APBA2: variants seen among roughly 807,000 people sequenced by gnomAD.
APBA2 encodes the protein amyloid beta precursor protein binding family A member 2.
In APBA2, 30 loss-of-function variants were observed where a neutral mutation model predicts 75.0. That is an observed-to-expected ratio of 0.40 (90% CI 0.30 to 0.54). The LOEUF (loss-of-function observed/expected upper bound fraction) is 0.54, where lower values mean the gene tolerates loss of function less well. Among genes scored for constraint, APBA2 ranks in the 20% least tolerant of loss-of-function variants. The pLI is 0.49. For synonymous variants in APBA2, 444 were observed against 409.6 expected, an observed-to-expected ratio of 1.08 and a Z score of -1.01; for missense variants, 801 against 1,016.1, an observed-to-expected ratio of 0.79 and a Z score of 2.88.
chr15:29,111,839 G>T (rs748366), intron 13 of APBA2, among the ~76,000 whole-genome samples: 10,601 of 152,216 alleles, frequency 0.07, 557 homozygotes, highest in Non-Finnish European at 0.11. Flanking sequence ...GCCCAGCCGG[G>T]ACCTCCAGGG....
At chr15:29,083,553 C>G (rs2043168153) in intron 6 of APBA2, among the ~76,000 whole-genome samples, 1 of 152,040 alleles carries the variant, frequency 6.6e-6, no homozygotes, top group Non-Finnish European at 1.5e-5. Context: ...TGTTTTGAGA[C>G]AGAGTCTCAC....
At chr15:29,111,287 G>A (rs2044716146) in intron 13 of APBA2, among the ~76,000 whole-genome samples, 1 of 152,046 alleles carries the variant, frequency 6.6e-6, no homozygotes, top group Admixed American at 6.6e-5. Context: ...CCCTGCTTGT[G>A]GATGCGCTGT....
At chr15:29,101,134 C>T (rs1380885997) in intron 9 of APBA2, among the ~76,000 whole-genome samples, 1 of 151,918 alleles carries the variant, frequency 6.6e-6, no homozygotes. Flanking sequence ...TTGCAGTGCA[C>T]ATGACAGCCC....
At chr15:28,931,208 G>T (rs1321916614) in intron 2 of APBA2, among the ~76,000 whole-genome samples, 2 of 152,210 alleles carry the variant, frequency 1.3e-5, no homozygotes, top group African/African-American at 2.4e-5. Context: ...GTTGATGTGG[G>T]ATGCAGGCGT....
At chr15:29,022,736 A>G (rs992572079) in intron 3 of APBA2, among the ~76,000 whole-genome samples, 1 of 152,192 alleles carries the variant, frequency 6.6e-6, no homozygotes, top group Non-Finnish European at 1.5e-5. Flanking sequence ...TTCCTCTGCC[A>G]TCTGAATTTT....
chr15:29,020,169 G>A (rs114272231), intron 3 of APBA2, among the ~76,000 whole-genome samples: 314 of 152,186 alleles, frequency 2.1e-3, no homozygotes, highest in African/African-American at 7.2e-3. Flanking sequence ...TCATGTGAGT[G>A]TTTGGGTGTG....
chr15:28,951,725 C>T (rs1007944144), intron 2 of APBA2, among the ~76,000 whole-genome samples: 2 of 151,888 alleles, frequency 1.3e-5, no homozygotes, highest in African/African-American at 2.4e-5. Flanking sequence ...GCTGGGACTA[C>T]AGGCGTGTGC....
intron 10 of APBA2, 144 bp from the exon 11 acceptor site, chr15:29,105,235 T>C: frequency 1.3e-6 from 1 of 782,530 alleles, no homozygotes. Flanking sequence ...CCAGTTTCTT[T>C]CTTGTTCTTC....
intron 12 of APBA2, among the ~76,000 whole-genome samples, chr15:29,107,675 C>A (rs1029027430): frequency 6.6e-6 from 1 of 152,018 alleles, no homozygotes; most frequent in East Asian, 1.9e-4. Context: ...GCAGTTGAGG[C>A]CCCCCCTCCC....
At chr15:28,970,188 C>T (rs1473960124) in intron 2 of APBA2, 2 of 152,062 alleles carry the variant, frequency 1.3e-5, no homozygotes. Flanking sequence ...AATACAGAGA[C>T]GTGTGGTTTC....
At chr15:28,987,610 A>C (rs148560551) in intron 2 of APBA2, among the ~76,000 whole-genome samples, 31 of 151,732 alleles carry the variant, frequency 2.0e-4, no homozygotes, top group African/African-American at 7.3e-4. Context: ...TTAGTCATAC[A>C]CTGTCATTTC....
chr15:29,103,404 G>A (rs1394102108), intron 10 of APBA2, among the ~76,000 whole-genome samples: 5 of 152,230 alleles, frequency 3.3e-5, no homozygotes, highest in Non-Finnish European at 7.3e-5. Flanking sequence ...CTGGGCTCCT[G>A]GACTCACAGC....
At chr15:29,081,254 G>T (rs1397741933) in intron 6 of APBA2, among the ~76,000 whole-genome samples, 2 of 152,130 alleles carry the variant, frequency 1.3e-5, no homozygotes, top group Non-Finnish European at 1.5e-5. Flanking sequence ...CTCCTCTTTG[G>T]TGTATTTGGG....
At chr15:28,888,966 G>A (rs2031946535) in intron 1 of APBA2, among the ~76,000 whole-genome samples, 1 of 151,912 alleles carries the variant, frequency 6.6e-6, no homozygotes, top group African/African-American at 2.4e-5. Context: ...GGGGCTGGGG[G>A]TGAAGTTTGA....
intron 3 of APBA2, among the ~76,000 whole-genome samples, chr15:29,028,377 G>C (rs1273551745): frequency 6.6e-6 from 1 of 152,102 alleles, no homozygotes; most frequent in Non-Finnish European, 1.5e-5. Context: ...ATGTATATAT[G>C]TACCACAGTT....
chr15:28,890,480 T>G (rs1595387469), intron 1 of APBA2, among the ~76,000 whole-genome samples: 1 of 152,190 alleles, frequency 6.6e-6, no homozygotes, highest in Non-Finnish European at 1.5e-5. Context: ...GTATGTAATG[T>G]CAGACTCTGT....
Position 28,939,075 on chromosome 15 carries a change from T to G in APBA2, c.-95+17326T>G, listed in dbSNP as rs561855280. 2.0e-5 allele frequency among the ~76,000 whole-genome samples: 3 copies of G among 152,270 alleles called. No homozygotes were observed. In the South Asian group the frequency reaches 6.2e-4, roughly 32 times the overall value. On this transcript the variant is annotated intron_variant, in intron 2 of 14. Coordinates refer to ENST00000683413, the MANE Select transcript of APBA2 (RefSeq NM_001353788.2). ...TACTTTCCCTCTGTCTGAATTCACC[T>G]CTCTAGGTACCTCATGTAAGTGGAA...
rs188369460 is a variant in APBA2 at position 29,113,765 on chromosome 15, G to A, written c.2038-111G>A. 69 of 1,386,180 alleles carry A rather than the reference G, an allele frequency of 5.0e-5. No individual in the cohort carries two copies. The South Asian group carries it at 6.5e-4, about 13-fold the overall frequency. The allele number at this position is 1,386,180 out of a possible 1,614,324, so 85.9% of individuals were successfully genotyped here. ...GTGAGTCAGCGAATTGCACGTGCACGTATTCATCATGTGGCGCTTTTCCCT... is the reference window on the plus strand; with the variant it reads ...GTGAGTCAGCGAATTGCACGTGCACATATTCATCATGTGGCGCTTTTCCCT... On this transcript the variant is annotated intron_variant, in intron 13 of 14. Transcript: ENST00000683413.
intron 3 of APBA2, among the ~76,000 whole-genome samples, chr15:29,018,009 G>A (rs142678352): frequency 2.6e-5 from 4 of 151,956 alleles, no homozygotes; most frequent in Non-Finnish European, 5.9e-5. Context: ...TTGTTAATTC[G>A]CATTGAGAAG....
Sources: gnomAD v4.1 joint callset for allele counts (sites outside exome capture counted in the v4.1 genomes callset) on GRCh38, gnomAD v4.1.1 for gene constraint, MANE v1.5 for transcripts, NCBI Gene and HGNC (gene_info 2026-07-23, HGNC 2026-07-21) for gene names.